Variants in GRID2 observed in about 807,000 individuals in gnomAD.
GRID2 encodes glutamate ionotropic receptor delta type subunit 2.
In GRID2, 33 loss-of-function variants were observed where a neutral mutation model predicts 114.8. That is an observed-to-expected ratio of 0.29 (90% confidence interval 0.22 to 0.38). The LOEUF is 0.38. Among genes scored for constraint, GRID2 ranks in the 10% least tolerant of loss-of-function variants. The pLI is 1.00. For missense variants in GRID2, 1,184 were observed against 1,257.7 expected (o/e 0.94, Z 0.89); for synonymous variants, 505 against 449.9 (o/e 1.12, Z -1.55).
At chr4:92,844,741 A>T (rs1324261126) in intron 2 of GRID2, among the ~76,000 whole-genome samples, 4 of 151,728 alleles carry the variant, frequency 2.6e-5, no homozygotes, top group Non-Finnish European at 5.9e-5. Context: ...AAAAAGATTG[A>T]ATTTGATGAA....
chr4:92,597,658 G>A (rs1307285612), intron 2 of GRID2, among the ~76,000 whole-genome samples: 1 of 152,072 alleles, frequency 6.6e-6, no homozygotes, highest in Non-Finnish European at 1.5e-5. Context: ...CCTAATAATA[G>A]CACATCACTT....
chr4:93,381,975 A>G (rs1215243675), intron 8 of GRID2, among the ~76,000 whole-genome samples: 1 of 152,100 alleles, frequency 6.6e-6, no homozygotes, highest in African/African-American at 2.4e-5. Context: ...ATACCTAGAA[A>G]TGCCTTAATG....
At chr4:92,798,958 T>C (rs1740021273) in intron 2 of GRID2, among the ~76,000 whole-genome samples, 1 of 152,022 alleles carries the variant, frequency 6.6e-6, no homozygotes, top group African/African-American at 2.4e-5. Context: ...GCACACTGGA[T>C]AGCTTAAACC....
At chr4:92,321,071 C>T (rs1333020309) in intron 1 of GRID2, among the ~76,000 whole-genome samples, 3 of 152,010 alleles carry the variant, frequency 2.0e-5, no homozygotes, top group East Asian at 1.9e-4. Context: ...ATAGAAGGAT[C>T]GAAATATGTT....
At chr4:92,867,040 G>T (rs1365073732) in intron 2 of GRID2, among the ~76,000 whole-genome samples, 4 of 151,920 alleles carry the variant, frequency 2.6e-5, no homozygotes, top group Non-Finnish European at 4.4e-5. Flanking sequence ...TCTTTTTGAT[G>T]GCTTAGTAGT....
rs113219351 is a variant in GRID2, at chr4:92,360,464, A to G, written c.88+55720A>G. ...CAAAACCAAACCATTACTGAGTGCC[A>G]TATGCCAGATTCTAGACATAGAATA... is the stretch of plus-strand genomic sequence containing the variant. On this transcript the variant is annotated intron_variant, in intron 1 of 15. Coordinates refer to ENST00000282020, the MANE Select transcript of GRID2 (RefSeq NM_001510.4). Among the ~76,000 whole-genome samples, 45 of 152,092 alleles carry G rather than the reference A, an allele frequency of 3.0e-4. 1 individual carries two copies. The highest frequency in any genetic ancestry group is 1.0e-3 in the African/African-American group (43 of 41,530).
At chr4:92,324,746 A>G (rs1283639909) in intron 1 of GRID2, among the ~76,000 whole-genome samples, 1 of 151,936 alleles carries the variant, frequency 6.6e-6, no homozygotes, top group Non-Finnish European at 1.5e-5. Context: ...TATAGTGAAA[A>G]TCTATATATG....
rs1223719999 is a variant in GRID2, at chr4:92,396,919, G to T, written c.88+92175G>T. Among the ~76,000 whole-genome samples, 3 of 152,010 alleles carry T rather than the reference G, an allele frequency of 2.0e-5. No individual in the cohort carries two copies. The South Asian group carries it at 6.2e-4, about 31-fold the overall frequency. ...TGCTTCTCTGAAGCATGGACAAACT[G>T]CTCATTAACAGTAGAACAAACTGCT... On this transcript the variant is annotated intron_variant, in intron 1 of 15. Coordinates refer to ENST00000282020, the MANE Select transcript of GRID2 (RefSeq NM_001510.4).
rs1444315370 is a variant in GRID2 at position 93,758,578 on chromosome 4, C to T, written c.2361-10632C>T. ...AATGTTTGTCTCTTCAAAAAGTATC[C>T]TTCTTAATCTTCTCTTTCCTAAGAG... On this transcript the variant is annotated intron_variant, in intron 14 of 15. Transcript: ENST00000282020. 2.0e-5 allele frequency among the ~76,000 whole-genome samples: 3 copies of T among 152,060 alleles called. No individual in the cohort carries two copies. In the East Asian group the frequency reaches 5.8e-4, roughly 29 times the overall value.
chr4:92,920,930 T>A (rs1749265970), intron 2 of GRID2, among the ~76,000 whole-genome samples: 1 of 152,204 alleles, frequency 6.6e-6, no homozygotes, highest in Admixed American at 6.5e-5. Context: ...CTGGATAATA[T>A]CCTGCAGAGT....
At chr4:92,750,717 G>A (rs1194472570) in intron 2 of GRID2, among the ~76,000 whole-genome samples, 1 of 152,174 alleles carries the variant, frequency 6.6e-6, no homozygotes, top group East Asian at 1.9e-4. Context: ...GTGTTTGAAG[G>A]AGTGTCTGCC....
intron 13 of GRID2, among the ~76,000 whole-genome samples, chr4:93,573,642 A>G (rs796290121): frequency 2.8e-4 from 42 of 152,306 alleles, no homozygotes; most frequent in African/African-American, 9.1e-4. Flanking sequence ...TTTTAATTCT[A>G]TGAAGTATAT....
chr4:93,096,362 C>T (rs917421220), intron 3 of GRID2, among the ~76,000 whole-genome samples: 11 of 152,096 alleles, frequency 7.2e-5, no homozygotes, highest in African/African-American at 1.9e-4. Flanking sequence ...AAAATTAAAA[C>T]GTTCTGCTCA....
rs567281348 is a variant in GRID2 at position 92,461,377 on chromosome 4, G to A, written c.89-128754G>A. On this transcript the variant is annotated intron_variant, in intron 1 of 15. Coordinates refer to ENST00000282020, the MANE Select transcript of GRID2 (RefSeq NM_001510.4). ...GAGAAAAAGCATGGTATTTTTATACGTTGTTTTGCTTAAGTCACAGTTTCT... is the reference window on the plus strand; with the variant it reads ...GAGAAAAAGCATGGTATTTTTATACATTGTTTTGCTTAAGTCACAGTTTCT... Among the ~76,000 whole-genome samples the A allele has an allele frequency of 2.7e-4, 41 of 151,896 alleles. No individual in the cohort carries two copies. In the South Asian group the frequency reaches 7.1e-3, roughly 26 times the overall value.
intron 3 of GRID2, among the ~76,000 whole-genome samples, chr4:93,105,158 GT>G (rs1218026208): frequency 1.3e-5 from 2 of 152,054 alleles, no homozygotes; most frequent in Admixed American, 6.5e-5. Flanking sequence ...GGCGTTGTTT[GT>G]TTTTTTCTTG....
At chr4:93,791,913 C>A (rs1220047805) in intron 1 of GRID2, among the ~76,000 whole-genome samples, 1 of 152,188 alleles carries the variant, frequency 6.6e-6, no homozygotes. Context: ...CTTTATTCTT[C>A]CCTTTAACGA....
At chr4:92,933,396 G>A (rs1232847022) in intron 2 of GRID2, among the ~76,000 whole-genome samples, 4 of 151,334 alleles carry the variant, frequency 2.6e-5, no homozygotes, top group Non-Finnish European at 1.5e-5. Context: ...CAGTTCTACT[G>A]AAAAAATTTT....
intron 10 of GRID2, among the ~76,000 whole-genome samples, chr4:93,434,346 T>A (rs567793185): frequency 6.6e-6 from 1 of 152,218 alleles, no homozygotes; most frequent in Non-Finnish European, 1.5e-5. Context: ...ATATACCTAA[T>A]GTAAATGTCG....
chr4:93,255,199 C>A (rs892916272), intron 8 of GRID2, among the ~76,000 whole-genome samples: 1 of 151,784 alleles, frequency 6.6e-6, no homozygotes, highest in South Asian at 2.1e-4. Context: ...CTGATGAATG[C>A]GAAACATTTC....
Sources: gnomAD v4.1 joint callset for allele counts (sites outside exome capture counted in the v4.1 genomes callset) on GRCh38, gnomAD v4.1.1 for gene constraint, MANE v1.5 for transcripts, NCBI Gene and HGNC (gene_info 2026-07-23, HGNC 2026-07-21) for gene names.